Variants in MCTP1 observed in about 807,000 individuals in gnomAD.
MCTP1 encodes the protein multiple C2 and transmembrane domain-containing protein 1.
In MCTP1, 69 loss-of-function variants were observed where a neutral mutation model predicts 120.6. That is an observed-to-expected ratio of 0.57 (90% confidence interval 0.47 to 0.70). MCTP1 has a LOEUF of 0.70. MCTP1 is among the 30% of genes least tolerant of loss of function. The probability of loss-of-function intolerance (pLI) is 0.00; values close to 1 mark genes in which losing one functional copy is unlikely to be tolerated. For missense variants in MCTP1, 1,203 were observed against 1,248.8 expected (o/e 0.96, Z 0.55); for synonymous variants, 529 against 493.1 (o/e 1.07, Z -0.96).
At chr5:95,050,786 G>A (rs1745701208) in intron 1 of MCTP1, among the ~76,000 whole-genome samples, 1 of 152,192 alleles carries the variant, frequency 6.6e-6, no homozygotes, top group South Asian at 2.1e-4. Flanking sequence ...ACTGTAGCAT[G>A]TGATGTTTTT....
intron 7 of MCTP1, 118 bp downstream of exon 7, chr5:94,923,844 A>G: frequency 1.7e-6 from 1 of 589,872 alleles, no homozygotes; most frequent in Non-Finnish European, 3.0e-6. Flanking sequence ...AAGGCAAATG[A>G]ATACCTCTAT....
At chr5:95,160,147 T>C (rs1411974713) in intron 1 of MCTP1, among the ~76,000 whole-genome samples, 8 of 152,220 alleles carry the variant, frequency 5.3e-5, no homozygotes, top group Non-Finnish European at 1.2e-4. Context: ...ACTGAAGTTT[T>C]GTAATCAAAG....
chr5:94,748,495 C>A (rs1385778590), intron 19 of MCTP1, among the ~76,000 whole-genome samples: 6 of 152,174 alleles, frequency 3.9e-5, no homozygotes, highest in African/African-American at 1.4e-4. Context: ...GGCTACAGGA[C>A]AAAACCCATG....
chr5:94,718,174 A>G (rs1032437226), intron 19 of MCTP1, among the ~76,000 whole-genome samples: 3 of 152,138 alleles, frequency 2.0e-5, no homozygotes, highest in African/African-American at 7.2e-5. Context: ...ACATACACCA[A>G]CGGAATAGAA....
At chr5:94,776,280 T>C (rs1775303617) in intron 19 of MCTP1, among the ~76,000 whole-genome samples, 1 of 152,102 alleles carries the variant, frequency 6.6e-6, no homozygotes, top group African/African-American at 2.4e-5. Context: ...GCCCTTTCAT[T>C]GTGAGTGACT....
At chr5:95,210,628 A>G (rs1252650176) in intron 1 of MCTP1, among the ~76,000 whole-genome samples, 1 of 150,982 alleles carries the variant, frequency 6.6e-6, no homozygotes, top group Non-Finnish European at 1.5e-5. Flanking sequence ...CTCTTTATCC[A>G]ATTTGCCAGT....
chr5:94,822,578 A>G (rs943819192), intron 17 of MCTP1, among the ~76,000 whole-genome samples: 3 of 152,190 alleles, frequency 2.0e-5, no homozygotes, highest in African/African-American at 7.2e-5. Context: ...TATACCCAGT[A>G]ATGAGATTGC....
At chr5:94,841,341 C>T (rs79100907) in intron 17 of MCTP1, among the ~76,000 whole-genome samples, 2,387 of 152,226 alleles carry the variant, frequency 0.016, 28 homozygotes, top group Middle Eastern at 0.034. Flanking sequence ...ATTGGCATTT[C>T]GATTGGAAAA....
At chr5:95,026,069 A>G (rs1839202768) in intron 1 of MCTP1, among the ~76,000 whole-genome samples, 1 of 151,986 alleles carries the variant, frequency 6.6e-6, no homozygotes, top group African/African-American at 2.4e-5. Flanking sequence ...ATGCCTCCTG[A>G]CCTTTTTGAA....
intron 2 of MCTP1, among the ~76,000 whole-genome samples, chr5:95,007,236 C>T (rs558482066): frequency 6.6e-5 from 10 of 152,198 alleles, no homozygotes; most frequent in East Asian, 1.9e-4. Context: ...GGGTCCCTCC[C>T]GCGACACAGG....
chr5:95,015,293 T>C (rs1836880563), intron 2 of MCTP1, among the ~76,000 whole-genome samples: 1 of 152,092 alleles, frequency 6.6e-6, no homozygotes, highest in Non-Finnish European at 1.5e-5. Flanking sequence ...CGGTTAGTGG[T>C]TTTATTTCTT....
chr5:94,958,831 A>G (rs1823371878), intron 2 of MCTP1, among the ~76,000 whole-genome samples: 1 of 152,236 alleles, frequency 6.6e-6, no homozygotes. Context: ...GCTGAATTCT[A>G]CCAGAGGTAC....
At chr5:95,106,272 AC>A (rs1757077869) in intron 1 of MCTP1, among the ~76,000 whole-genome samples, 1 of 152,218 alleles carries the variant, frequency 6.6e-6, no homozygotes, top group Non-Finnish European at 1.5e-5. Flanking sequence ...AACGGTTCAG[AC>A]CAAGACTTGT....
At chr5:95,266,685 T>C (rs1019765122) in intron 1 of MCTP1, among the ~76,000 whole-genome samples, 2 of 152,232 alleles carry the variant, frequency 1.3e-5, no homozygotes, top group African/African-American at 4.8e-5. Context: ...CTAGTCCAGA[T>C]GGCAGTAATG....
At chr5:94,803,115 T>G (rs1457412510) in intron 17 of MCTP1, among the ~76,000 whole-genome samples, 1 of 152,228 alleles carries the variant, frequency 6.6e-6, no homozygotes, top group Non-Finnish European at 1.5e-5. Context: ...TCTACCCCTA[T>G]GTTAGTTATC....
chr5:94,964,284 G>T (rs1309885260), intron 2 of MCTP1, among the ~76,000 whole-genome samples: 1 of 152,096 alleles, frequency 6.6e-6, no homozygotes, highest in East Asian at 1.9e-4. Flanking sequence ...CCTAACATAT[G>T]ATCTAACTGG....
At chr5:95,032,058 T>C (rs1474886418) in intron 1 of MCTP1, among the ~76,000 whole-genome samples, 1 of 152,154 alleles carries the variant, frequency 6.6e-6, no homozygotes, top group African/African-American at 2.4e-5. Context: ...TGAATATATA[T>C]GCACTCAATG....
intron 19 of MCTP1, among the ~76,000 whole-genome samples, chr5:94,722,762 TA>T (rs1761202482): frequency 6.6e-6 from 1 of 152,222 alleles, no homozygotes; most frequent in East Asian, 1.9e-4. Flanking sequence ...CTATGAGACA[TA>T]ATTATTTATT....
In MCTP1 at chr5:95,061,408, GTTTTTTTTTTTTTT is replaced by G. The variant is rs556663513; in HGVS notation, c.721-43938_721-43925del. On this transcript the variant is annotated intron_variant, in intron 1 of 22. Transcript: ENST00000515393. The stretch of plus-strand genomic sequence containing the variant: ...ATCAATTTTCACAAACCCCTTAAGG[GTTTTTTTTTTTTTT>G]TTTTTTTTTTTTTTTTTTTTTTTTT... 9.1e-3 allele frequency among the ~76,000 whole-genome samples: 305 copies of G among 33,384 alleles called. 30 individuals carry two copies. The highest frequency in any genetic ancestry group is 0.024 in the African/African-American group (243 of 10,106). The allele number at this position is 33,384 out of a possible 152,430, so 21.9% of individuals were successfully genotyped here. A position where few individuals can be genotyped will look rare whatever the true frequency, so the allele number is the denominator to read the frequency against.
Sources: gnomAD v4.1 joint callset for allele counts (sites outside exome capture counted in the v4.1 genomes callset) on GRCh38, gnomAD v4.1.1 for gene constraint, MANE v1.5 for transcripts, NCBI Gene and HGNC (gene_info 2026-07-23, HGNC 2026-07-21) for gene names.